SRBD1: variants seen among roughly 807,000 people sequenced by gnomAD.
SRBD1 encodes S1 RNA-binding domain-containing protein 1.
A neutral mutation model predicts 115.3 loss-of-function variants in SRBD1; 88 were observed. That is an observed-to-expected ratio of 0.76 (90% CI 0.64 to 0.91). The LOEUF is 0.91. SRBD1 is among the 40% of genes least tolerant of loss of function. The probability of loss-of-function intolerance (pLI) is 0.00; values close to 1 mark genes in which losing one functional copy is unlikely to be tolerated. For synonymous variants in SRBD1, 509 were observed against 407.7 expected (o/e 1.25, Z -2.99); for missense variants, 1,385 against 1,177.4 (o/e 1.18, Z -2.58).
At chr2:45,492,193 A>G (rs1025831835) in intron 14 of SRBD1, among the ~76,000 whole-genome samples, 1 of 152,190 alleles carries the variant, frequency 6.6e-6, no homozygotes. Context: ...TAATCAATAT[A>G]ATTTGTTTTC....
intron 4 of SRBD1, among the ~76,000 whole-genome samples, chr2:45,595,291 TATC>T (rs1673859856): frequency 6.6e-6 from 1 of 152,234 alleles, no homozygotes; most frequent in African/African-American, 2.4e-5. Context: ...AGGACCAAGT[TATC>T]ATTGTGGCCA....
intron 14 of SRBD1, among the ~76,000 whole-genome samples, chr2:45,521,554 G>A (rs1304349055): frequency 1.3e-5 from 2 of 151,962 alleles, no homozygotes; most frequent in African/African-American, 4.8e-5. Context: ...ATTGCTGGTA[G>A]GAATATAAAA....
At chr2:45,489,235 A>G (rs540371418) in intron 14 of SRBD1, among the ~76,000 whole-genome samples, 5 of 152,296 alleles carry the variant, frequency 3.3e-5, no homozygotes, top group African/African-American at 1.2e-4. Flanking sequence ...TGTAGGTGTC[A>G]ATATTCAAAA....
At chr2:45,524,287 A>AAGC (rs1671374853) in intron 14 of SRBD1, among the ~76,000 whole-genome samples, 1 of 152,070 alleles carries the variant, frequency 6.6e-6, no homozygotes, top group Non-Finnish European at 1.5e-5. Flanking sequence ...CACTGCATTG[A>AAGC]AGCTTCTAGC....
chr2:45,558,685 ATTTTTTTTTT>A (rs1214807980), intron 10 of SRBD1, among the ~76,000 whole-genome samples: 5 of 89,530 alleles, frequency 5.6e-5, no homozygotes, highest in African/African-American at 9.2e-5. Flanking sequence ...CCACACAATT[ATTTTTTTTTT>A]TTTTTTTTTT....
At chr2:45,438,794 G>C in intron 16 of SRBD1, among the ~76,000 whole-genome samples, 1 of 152,082 alleles carries the variant, frequency 6.6e-6, no homozygotes, top group East Asian at 1.9e-4. Flanking sequence ...GGGAAAGAGA[G>C]AATAGGGCAG....
intron 16 of SRBD1, among the ~76,000 whole-genome samples, chr2:45,467,209 C>T (rs1014373511): frequency 2.6e-5 from 4 of 152,170 alleles, no homozygotes; most frequent in South Asian, 2.1e-4. Flanking sequence ...AGTGATTCTC[C>T]GCCCTGGTTG....
chr2:45,418,439 C>T lies in SRBD1; in HGVS notation c.2259G>A (p.Gly753=). ...INREQLKKVK[G]LGPKSFQQCA... is the part of the protein sequence containing the mutation. The stretch of plus-strand genomic sequence containing the variant: ...ACTGTTGGAAGGATTTTGGGCCCAG[C>T]CCTTTCACTTTCTTCAGCTGTTCTC... Residue 753 remains glycine, a synonymous_variant, in exon 18 of 21, where the codon GGG becomes GGA. Coordinates refer to ENST00000263736, the MANE Select transcript of SRBD1 (RefSeq NM_018079.5). The T allele has an allele frequency of 6.2e-7, 1 of 1,613,866 alleles. No homozygotes were observed. The highest frequency in any genetic ancestry group is 8.5e-7 in the Non-Finnish European group (1 of 1,179,946).
chr2:45,501,898 C>T (rs1670642885), intron 14 of SRBD1, among the ~76,000 whole-genome samples: 1 of 152,228 alleles, frequency 6.6e-6, no homozygotes, highest in Non-Finnish European at 1.5e-5. Context: ...GCAGAAACCT[C>T]TGCAGACTCA....
chr2:45,569,631 C>A (rs1193070108), intron 9 of SRBD1: 2 of 152,010 alleles, frequency 1.3e-5, no homozygotes, highest in Non-Finnish European at 2.9e-5. Context: ...TTGAGAAATT[C>A]CGCGTTTGAA....
chr2:45,580,605 C>A (rs191143327), intron 6 of SRBD1, among the ~76,000 whole-genome samples: 7 of 150,014 alleles, frequency 4.7e-5, no homozygotes, highest in Non-Finnish European at 8.9e-5. Context: ...GTGATCTGCC[C>A]GCCTCGGCCT....
At chr2:45,530,333 A>G (rs1671573213) in intron 14 of SRBD1, among the ~76,000 whole-genome samples, 2 of 152,154 alleles carry the variant, frequency 1.3e-5, no homozygotes, top group Middle Eastern at 3.4e-3. Context: ...ATATATTTGA[A>G]TGACAACACA....
intron 14 of SRBD1, among the ~76,000 whole-genome samples, chr2:45,523,769 T>A (rs79299289): frequency 2.0e-5 from 3 of 151,626 alleles, no homozygotes; most frequent in African/African-American, 7.3e-5. Context: ...AGAATTAATA[T>A]CAATTCACAA....
At chr2:45,459,256 T>C (rs1056733080) in intron 16 of SRBD1, among the ~76,000 whole-genome samples, 1 of 152,204 alleles carries the variant, frequency 6.6e-6, no homozygotes, top group African/African-American at 2.4e-5. Context: ...AAGTGTACTT[T>C]CCAATTCAAC....
intron 9 of SRBD1, 96 bp from the exon 10 acceptor site, chr2:45,562,852 G>C: frequency 1.5e-6 from 1 of 689,110 alleles, no homozygotes; most frequent in Non-Finnish European, 2.3e-6. Flanking sequence ...TTTTTTACTC[G>C]TTTATTAAAC....
chr2:45,560,809 T>A (rs1159651967), intron 10 of SRBD1, among the ~76,000 whole-genome samples: 1 of 152,056 alleles, frequency 6.6e-6, no homozygotes, highest in Non-Finnish European at 1.5e-5. Context: ...TAAGCATTCA[T>A]AAAAAATGAC....
chr2:45,548,502 A>G (rs1405043413), intron 12 of SRBD1, among the ~76,000 whole-genome samples: 2 of 152,144 alleles, frequency 1.3e-5, no homozygotes, highest in African/African-American at 2.4e-5. Context: ...AAACAGCTTA[A>G]GAATATAGAT....
At chr2:45,563,600 A>C (rs541742979) in intron 9 of SRBD1, among the ~76,000 whole-genome samples, 1 of 152,208 alleles carries the variant, frequency 6.6e-6, no homozygotes, top group East Asian at 1.9e-4. Context: ...TCAAACACCA[A>C]GATCAGGAAC....
intron 14 of SRBD1, among the ~76,000 whole-genome samples, chr2:45,538,107 A>C (rs73927529): frequency 8.9e-4 from 136 of 152,318 alleles, no homozygotes; most frequent in African/African-American, 3.1e-3. Flanking sequence ...GCTGGTCTGA[A>C]GCCCAGGGCG....
Sources: allele counts gnomAD v4.1 joint callset (sites outside exome capture counted in the v4.1 genomes callset), GRCh38; gene constraint gnomAD v4.1.1; transcripts MANE v1.5; gene names NCBI Gene and HGNC (gene_info 2026-07-23, HGNC 2026-07-21).